NRG1: variants seen among roughly 807,000 people sequenced by gnomAD.
The protein encoded by NRG1 is pro-neuregulin-1, membrane-bound isoform.
In NRG1, 18 loss-of-function variants were observed where a neutral mutation model predicts 63.8. The observed-to-expected ratio is 0.28, with a 90% CI of 0.19 to 0.42. NRG1 has a LOEUF of 0.42. NRG1 is among the 10% of genes least tolerant of loss of function. NRG1 has a pLI of 1.00. For synonymous variants in NRG1, 302 were observed against 301.3 expected (o/e 1.00, Z -0.02); for missense variants, 762 against 814.7 (o/e 0.94, Z 0.79).
At chr8:32,102,671 C>T (rs1213552164) in intron 1 of NRG1, among the ~76,000 whole-genome samples, 2 of 152,144 alleles carry the variant, frequency 1.3e-5, no homozygotes, top group East Asian at 3.9e-4. Flanking sequence ...TGATCATACC[C>T]ATCAGTCTTC....
intron 1 of NRG1, among the ~76,000 whole-genome samples, chr8:32,459,511 T>G (rs546173758): frequency 6.6e-6 from 1 of 151,748 alleles, no homozygotes; most frequent in East Asian, 1.9e-4. Context: ...TGGCTCCCAC[T>G]AGTAATCCCA....
At chr8:31,823,656 G>A (rs1824223935) in intron 1 of NRG1, among the ~76,000 whole-genome samples, 1 of 152,172 alleles carries the variant, frequency 6.6e-6, no homozygotes, top group Non-Finnish European at 1.5e-5. Context: ...AAATGTAACT[G>A]AGCAAATGAA....
At chr8:32,273,937 G>T (rs1007722005) in intron 1 of NRG1, among the ~76,000 whole-genome samples, 7 of 152,176 alleles carry the variant, frequency 4.6e-5, no homozygotes, top group African/African-American at 1.7e-4. Context: ...ATAATTGATA[G>T]TTTTATGCAT....
intron 5 of NRG1, among the ~76,000 whole-genome samples, chr8:32,697,993 G>A (rs1175408221): frequency 6.6e-6 from 1 of 152,134 alleles, no homozygotes; most frequent in African/African-American, 2.4e-5. Flanking sequence ...AGATCACGAG[G>A]TCAAGAGATC....
chr8:32,092,768 G>A (rs934036837), intron 1 of NRG1, among the ~76,000 whole-genome samples: 15 of 152,184 alleles, frequency 9.9e-5, no homozygotes, highest in African/African-American at 2.4e-4. Flanking sequence ...TGAGGACCAC[G>A]GAGATAAAGA....
At chr8:31,762,166 G>T (rs1317208788) in intron 1 of NRG1, among the ~76,000 whole-genome samples, 16 of 152,140 alleles carry the variant, frequency 1.1e-4, no homozygotes, top group Non-Finnish European at 2.4e-4. Context: ...GTGACATGGT[G>T]GTTTGCTGCA....
At chr8:32,735,397 T>C (rs936269433) in intron 6 of NRG1, among the ~76,000 whole-genome samples, 16 of 152,324 alleles carry the variant, frequency 1.1e-4, no homozygotes, top group Admixed American at 9.2e-4. Flanking sequence ...CATAAATGTA[T>C]ACAAGTACAA....
intron 1 of NRG1, among the ~76,000 whole-genome samples, chr8:32,084,844 C>T (rs1827985803): frequency 6.6e-6 from 1 of 152,120 alleles, no homozygotes; most frequent in Non-Finnish European, 1.5e-5. Flanking sequence ...TCAAGGTCAA[C>T]ACAGGCTAAT....
At chr8:31,977,673 A>G (rs750579781) in intron 1 of NRG1, among the ~76,000 whole-genome samples, 2 of 152,120 alleles carry the variant, frequency 1.3e-5, no homozygotes, top group Non-Finnish European at 2.9e-5. Flanking sequence ...GTAAACTAAA[A>G]ATGAATGGTA....
intron 1 of NRG1, among the ~76,000 whole-genome samples, chr8:32,336,496 C>CA (rs1338550790): frequency 1.3e-5 from 2 of 150,754 alleles, no homozygotes; most frequent in Admixed American, 1.3e-4. Context: ...GAGCCTATTT[C>CA]AAAAAAAATT....
intron 1 of NRG1, chr8:32,098,720 TG>T (rs1270866081): frequency 6.6e-6 from 1 of 152,214 alleles, no homozygotes; most frequent in East Asian, 1.9e-4. Context: ...GCATCTTGTC[TG>T]ATGCTAACTG....
chr8:31,776,461 G>A (rs1465268766), intron 1 of NRG1, among the ~76,000 whole-genome samples: 2 of 152,280 alleles, frequency 1.3e-5, no homozygotes, highest in Middle Eastern at 3.4e-3. Context: ...AATATGTGAG[G>A]TAATGGAGAA....
chr8:32,695,074 G>T (rs1812912111), intron 5 of NRG1, among the ~76,000 whole-genome samples: 1 of 152,134 alleles, frequency 6.6e-6, no homozygotes, highest in Non-Finnish European at 1.5e-5. Context: ...TTACTAAACA[G>T]GCTGGGCATG....
At chr8:32,113,919 G>A (rs1832368903) in intron 1 of NRG1, among the ~76,000 whole-genome samples, 1 of 152,152 alleles carries the variant, frequency 6.6e-6, no homozygotes, top group African/African-American at 2.4e-5. Flanking sequence ...AGGAAAGAAA[G>A]GCCAATGGTC....
intron 1 of NRG1, among the ~76,000 whole-genome samples, chr8:32,349,278 A>G (rs1346767885): frequency 6.6e-6 from 1 of 152,238 alleles, no homozygotes; most frequent in Non-Finnish European, 1.5e-5. Context: ...TTGGCAGACT[A>G]CATGGATATG....
chr8:31,934,841 C>G (rs1279692174), intron 1 of NRG1, among the ~76,000 whole-genome samples: 1 of 152,054 alleles, frequency 6.6e-6, no homozygotes, highest in Non-Finnish European at 1.5e-5. Flanking sequence ...TAATTTTGTT[C>G]ACTGACATAC....
chr8:32,005,883 A>G (rs1328733041), intron 1 of NRG1, among the ~76,000 whole-genome samples: 2 of 152,012 alleles, frequency 1.3e-5, no homozygotes, highest in Non-Finnish European at 2.9e-5. Flanking sequence ...CACTAATGGA[A>G]GCCTAAAAAA....
intron 1 of NRG1, among the ~76,000 whole-genome samples, chr8:31,913,786 G>A (rs1356555950): frequency 1.3e-5 from 2 of 152,116 alleles, no homozygotes; most frequent in African/African-American, 4.8e-5. Context: ...GGGGTGGTCA[G>A]AAACCCAGTT....
intron 1 of NRG1, among the ~76,000 whole-genome samples, chr8:32,110,083 A>G (rs1418253898): frequency 3.3e-5 from 5 of 152,240 alleles, no homozygotes; most frequent in Admixed American, 2.6e-4. Context: ...CTTGGAATAA[A>G]ACAGGTGCTG....
Sources: allele counts gnomAD v4.1 joint callset (sites outside exome capture counted in the v4.1 genomes callset), GRCh38; gene constraint gnomAD v4.1.1; transcripts MANE v1.5; gene names NCBI Gene and HGNC (gene_info 2026-07-23, HGNC 2026-07-21).